Variants in KCNG3 observed in about 807,000 individuals in gnomAD.
KCNG3 encodes the protein potassium voltage-gated channel modifier subfamily G member 3, also known as voltage-gated potassium channel regulatory subunit KCNG3.
A neutral mutation model predicts 29.0 loss-of-function variants in KCNG3; 15 were observed. The ratio of observed to expected loss-of-function variants is 0.52; its 90% confidence interval spans 0.35 to 0.80. The LOEUF (loss-of-function observed/expected upper bound fraction) is 0.80. Ranked by LOEUF, KCNG3 falls within the 30% of genes least tolerant of loss-of-function variation. KCNG3 has a pLI of 0.01. For synonymous variants in KCNG3, 322 were observed against 248.9 expected (o/e 1.29, Z -2.76); for missense variants, 512 against 605.7 (o/e 0.85, Z 1.62).
At chr2:42,420,059 AC>A in the KCNG3 span, among the ~76,000 whole-genome samples, 1 of 152,040 alleles carries the variant, frequency 6.6e-6, no homozygotes, top group African/African-American at 2.4e-5. Context: ...CCCTATCTCT[AC>A]TAAAAATACA....
At position 42,444,282 on chromosome 2, in the gene KCNG3, T is replaced by G; in HGVS notation, c.963A>C (p.Arg321=). The G allele has an allele frequency of 6.2e-7, 1 of 1,614,114 alleles. No individual in the cohort carries two copies. The highest frequency in any genetic ancestry group is 8.5e-7 in the Non-Finnish European group (1 of 1,180,022). Residue 321 remains arginine (R), a synonymous_variant, in exon 2 of 2, where the codon CGA becomes CGC. Coordinates refer to ENST00000306078, the MANE Select transcript of KCNG3 (RefSeq NM_133329.6). This position sits in a 1 kb window ranked among gnomAD's most constrained non-coding sequence, Gnocchi z 5.8. The part of the protein sequence containing the change: ...TLGLTLKRCY[R]EMVMLLVFIC... Reference sequence around the variant, plus strand: ...TGAAGACAAGTAACATAACCATCTCTCGGTAGCAACGTTTGAGAGTCAAAC... The same window carrying G: ...TGAAGACAAGTAACATAACCATCTCGCGGTAGCAACGTTTGAGAGTCAAAC...
At chr2:42,472,551 G>A (rs904274286) in intron 1 of KCNG3, among the ~76,000 whole-genome samples, 2 of 151,574 alleles carry the variant, frequency 1.3e-5, no homozygotes, top group Admixed American at 6.6e-5. Flanking sequence ...CCAGGCTGGA[G>A]TGCACTGGCA....
intron 1 of KCNG3, among the ~76,000 whole-genome samples, chr2:42,447,689 T>C (rs923401138): frequency 2.0e-5 from 3 of 151,412 alleles, no homozygotes; most frequent in Non-Finnish European, 4.4e-5. Context: ...TAATTTTTTT[T>C]CTTTTTTTTT....
intron 1 of KCNG3, among the ~76,000 whole-genome samples, chr2:42,465,568 A>T (rs995107570): frequency 6.6e-6 from 1 of 152,184 alleles, no homozygotes; most frequent in South Asian, 2.1e-4. Flanking sequence ...CTGAGCAAGT[A>T]GGCAAACTTT....
intron 1 of KCNG3, among the ~76,000 whole-genome samples, chr2:42,479,118 G>A (rs534298637): frequency 4.6e-5 from 7 of 152,148 alleles, no homozygotes; most frequent in South Asian, 2.1e-4. Context: ...GATTTGGGAC[G>A]CTCAATCTGT....
At chr2:42,452,243 A>ATATATATATATATATTTTTTT in intron 1 of KCNG3, among the ~76,000 whole-genome samples, 8 of 95,044 alleles carry the variant, frequency 8.4e-5, no homozygotes, top group African/African-American at 1.6e-4. Flanking sequence ...ATATATATAT[A>ATATATATATATATATTTTTTT]TTTTTTTTTT....
chr2:42,411,085 TATAG>T, the KCNG3 span, among the ~76,000 whole-genome samples: 1 of 152,340 alleles, frequency 6.6e-6, no homozygotes, highest in East Asian at 1.9e-4. Flanking sequence ...TCTTAACATA[TATAG>T]ATATTTTCTC....
At chr2:42,471,849 A>C (rs1190435017) in intron 1 of KCNG3, among the ~76,000 whole-genome samples, 10 of 148,074 alleles carry the variant, frequency 6.8e-5, no homozygotes, top group Non-Finnish European at 1.5e-4. Context: ...GCACCACTGC[A>C]CTCCAGCCTA....
intron 1 of KCNG3, among the ~76,000 whole-genome samples, chr2:42,476,196 G>A (rs1171926790): frequency 6.6e-6 from 1 of 151,962 alleles, no homozygotes; most frequent in East Asian, 1.9e-4. Flanking sequence ...ACCAGGCCGG[G>A]CGCAGTGACT....
the KCNG3 span, among the ~76,000 whole-genome samples, chr2:42,422,903 T>C: frequency 6.6e-6 from 1 of 152,090 alleles, no homozygotes; most frequent in African/African-American, 2.4e-5. Flanking sequence ...TTCAACCCCC[T>C]TTCCTCCTCT....
chr2:42,426,643 C>A, the KCNG3 span, among the ~76,000 whole-genome samples: 1 of 152,222 alleles, frequency 6.6e-6, no homozygotes, highest in African/African-American at 2.4e-5. Context: ...AAACAACACA[C>A]ACATATTATT....
At chr2:42,433,978 T>C in the KCNG3 span, among the ~76,000 whole-genome samples, 1 of 152,038 alleles carries the variant, frequency 6.6e-6, no homozygotes, top group Non-Finnish European at 1.5e-5. Context: ...AAAACATTGT[T>C]GAAAGAAATT....
chr2:42,485,479 C>A (rs552509942), intron 1 of KCNG3, among the ~76,000 whole-genome samples: 1 of 151,578 alleles, frequency 6.6e-6, no homozygotes, highest in East Asian at 1.9e-4. Context: ...GAGTCTCACT[C>A]TGTCACCCAG....
chr2:42,437,174 G>A (rs184148800), downstream of KCNG3, among the ~76,000 whole-genome samples: 13 of 152,194 alleles, frequency 8.5e-5, no homozygotes, highest in Non-Finnish European at 1.5e-4. Flanking sequence ...ACAAAAAGAT[G>A]CATACATAAA....
intron 1 of KCNG3, among the ~76,000 whole-genome samples, chr2:42,482,626 G>C (rs1161093198): frequency 6.6e-6 from 1 of 152,168 alleles, no homozygotes; most frequent in African/African-American, 2.4e-5. Context: ...CTACTCAGGG[G>C]GCTGAGGCAC....
chr2:42,438,881 T>C (rs573220872), downstream of KCNG3, among the ~76,000 whole-genome samples: 33 of 152,292 alleles, frequency 2.2e-4, no homozygotes, highest in East Asian at 6.0e-3. Flanking sequence ...TGAGTGCAGA[T>C]GGGCTCTGGA....
At chr2:42,466,912 C>G (rs112326020) in intron 1 of KCNG3, among the ~76,000 whole-genome samples, 33,094 of 151,772 alleles carry the variant, frequency 0.22, 4,267 homozygotes, top group East Asian at 0.57. Context: ...GCCACCACGT[C>G]TGGCTAATTT....
At chr2:42,458,465 C>T (rs560456482) in intron 1 of KCNG3, among the ~76,000 whole-genome samples, 1 of 152,232 alleles carries the variant, frequency 6.6e-6, no homozygotes, top group East Asian at 1.9e-4. Context: ...GACTGATGAC[C>T]CCCTACAAAG....
the KCNG3 span, among the ~76,000 whole-genome samples, chr2:42,428,458 G>GAAAAAAAAAAAAAA: frequency 2.9e-5 from 3 of 104,512 alleles, no homozygotes; most frequent in Non-Finnish European, 3.8e-5. Flanking sequence ...CCCGGTCTCG[G>GAAAAAAAAAAAAAA]GAAAAAAAAA....
Sources: allele counts gnomAD v4.1 joint callset (sites outside exome capture counted in the v4.1 genomes callset), GRCh38; gene constraint gnomAD v4.1.1; non-coding constraint Gnocchi (gnomAD v3.1); transcripts MANE v1.5; gene names NCBI Gene and HGNC (gene_info 2026-07-23, HGNC 2026-07-21).